MAPK8IP3: variants seen among roughly 807,000 people sequenced by gnomAD.
The protein encoded by MAPK8IP3 is mitogen-activated protein kinase 8 interacting protein 3.
Under a neutral mutation model 157.8 loss-of-function variants are expected in MAPK8IP3, and 49 were observed. The ratio of observed to expected loss-of-function variants is 0.31; its 90% CI spans 0.25 to 0.39. MAPK8IP3 has a LOEUF of 0.39. Ranked by LOEUF, MAPK8IP3 falls within the 10% of genes least tolerant of loss-of-function variation. The pLI is 1.00. For missense variants in MAPK8IP3, 1,478 were observed against 1,889.4 expected (o/e 0.78, Z 4.04); for synonymous variants, 897 against 777.7 (o/e 1.15, Z -2.55).
intron 4 of MAPK8IP3, among the ~76,000 whole-genome samples, chr16:1,737,445 C>T (rs528328776): frequency 4.8e-5 from 4 of 83,694 alleles, no homozygotes; most frequent in Admixed American, 2.8e-4. Flanking sequence ...TGTGAGCGTC[C>T]GTGTGAGTGT....
At chr16:1,764,488 C>G (rs1379540630) in intron 19 of MAPK8IP3, 29 bp downstream of exon 19, 2 of 1,602,030 alleles carry the variant, frequency 1.2e-6, no homozygotes, top group African/African-American at 1.3e-5. Flanking sequence ...ACCGGGCACC[C>G]TCCCTGGCTT....
Position 1,768,235 on chromosome 16 carries a change from G to A in MAPK8IP3, c.3599G>A (p.Arg1200His), listed in dbSNP as rs200051246. ...TCCCCCACCTCTGGGGAGGGCGCCC[G>A]TCCCGGGGGCATCATCCACGTGTAT... ...KTSPTSGEGA[R>H]PGGIIHVYGD... The change falls in exon 30 of 32, where the codon CGT becomes CAT. Residue 1200 changes from arginine to histidine, a missense_variant. Arg to His is a conservative substitution (Grantham distance 29). This residue lies in a region of MAPK8IP3 where 83 missense variants were observed against 85.3 expected (regional missense o/e 0.97). Transcript: ENST00000610761. 263 of 1,612,342 alleles carry A rather than the reference G, an allele frequency of 1.6e-4. 1 individual carries two copies. The highest frequency in any genetic ancestry group is 2.1e-4 in the Non-Finnish European group (253 of 1,179,978).
At chr16:1,711,303 C>T (rs1189157224) in intron 1 of MAPK8IP3, among the ~76,000 whole-genome samples, 3 of 152,166 alleles carry the variant, frequency 2.0e-5, no homozygotes, top group Non-Finnish European at 4.4e-5. Context: ...GGTGGCCCCT[C>T]GTTCTCTGCT....
Position 1,706,450 on chromosome 16 carries a change from C to T in MAPK8IP3, c.111C>T (p.Tyr37=), listed in dbSNP as rs770703007. Residue 37 remains tyrosine (Y), a synonymous_variant, in exon 1 of 32, where the codon TAC becomes TAT. Transcript: ENST00000610761. The surrounding 1 kb of genome is among the most constrained non-coding windows in gnomAD (Gnocchi z 5.1). ...TGTCGGGCCTGGCGGGCTCCATCTACCGCGAGTTCGAGCGCCTCATCCACT... is the reference window on the plus strand; with the variant it reads ...TGTCGGGCCTGGCGGGCTCCATCTATCGCGAGTTCGAGCGCCTCATCCACT... ...ERVSGLAGSI[Y]REFERLIHCY... 1.9e-6 allele frequency: 3 copies of T among 1,614,024 alleles called. No individual in the cohort carries two copies. The highest frequency in any genetic ancestry group is 2.5e-6 in the Non-Finnish European group (3 of 1,179,988).
intron 8 of MAPK8IP3, chr16:1,748,934 G>A: frequency 1.4e-6 from 1 of 703,502 alleles, no homozygotes; most frequent in South Asian, 1.4e-5. Flanking sequence ...CAAAATCTGA[G>A]GCTTCTCAAG....
intron 19 of MAPK8IP3, among the ~76,000 whole-genome samples, chr16:1,764,719 G>C (rs2042155472): frequency 1.3e-5 from 2 of 152,210 alleles, no homozygotes; most frequent in Admixed American, 1.3e-4. Flanking sequence ...AGCAGGCACA[G>C]AGGAGCCCAG....
chr16:1,729,298 C>G (rs543799031), intron 3 of MAPK8IP3, 90 bp downstream of exon 3: 15 of 1,444,102 alleles, frequency 1.0e-5, no homozygotes, highest in Non-Finnish European at 1.5e-5. Flanking sequence ...GGTTTTCTTC[C>G]CTGGCATGTC....
At chr16:1,721,986 G>T (rs1381525016) in intron 1 of MAPK8IP3, among the ~76,000 whole-genome samples, 1 of 147,986 alleles carries the variant, frequency 6.8e-6, no homozygotes, top group African/African-American at 2.5e-5. Context: ...AGCCAGGAAG[G>T]TCTCCATCTC....
intron 24 of MAPK8IP3, 25 bp from the exon 25 acceptor site, chr16:1,766,879 C>G (rs766596555): frequency 2.5e-5 from 40 of 1,608,872 alleles, no homozygotes; most frequent in Non-Finnish European, 3.3e-5. Context: ...TGGCCCAAAC[C>G]AGGCTCACCG....
Position 1,747,177 on chromosome 16 carries a change from A to G in MAPK8IP3, c.896A>G (p.Tyr299Cys), listed in dbSNP as rs1283951031. Reference sequence around the variant, plus strand: ...GAGAGCCTGCAGCCCCTGGGGGACTATGGCGTGGGCTCCAAGAACAGCAAG... The same window carrying G: ...GAGAGCCTGCAGCCCCTGGGGGACTGTGGCGTGGGCTCCAAGAACAGCAAG... ...LNESLQPLGDYGVGSKNSKRA... is the reference protein window; with the variant it reads ...LNESLQPLGDCGVGSKNSKRA... Residue 299 changes from tyrosine to cysteine, a missense_variant, in exon 6 of 32, where the codon TAT becomes TGT. Coordinates refer to ENST00000610761, the MANE Select transcript of MAPK8IP3 (RefSeq NM_001318852.2). 6.2e-7 allele frequency: 1 copy of G among 1,613,912 alleles called. No individual in the cohort carries two copies.
intron 2 of MAPK8IP3, among the ~76,000 whole-genome samples, chr16:1,727,672 T>C (rs1459327892): frequency 6.6e-6 from 1 of 152,182 alleles, no homozygotes; most frequent in African/African-American, 2.4e-5. Context: ...TGTAAGCACC[T>C]CAGGCTCCTT....
chr16:1,738,434 G>C (rs1339222098), intron 4 of MAPK8IP3, among the ~76,000 whole-genome samples: 2 of 110,018 alleles, frequency 1.8e-5, no homozygotes, highest in Non-Finnish European at 3.6e-5. Context: ...CCGTGTGAGA[G>C]AGTGACCATC....
intron 4 of MAPK8IP3, among the ~76,000 whole-genome samples, chr16:1,737,184 CCGTCCG>C (rs2040006202): frequency 1.9e-5 from 1 of 53,258 alleles, no homozygotes; most frequent in Non-Finnish European, 3.6e-5. Flanking sequence ...GAGCGTGTGA[CCGTCCG>C]TGTGAGCGTG....
intron 4 of MAPK8IP3, among the ~76,000 whole-genome samples, chr16:1,735,786 ACCGT>A (rs1466155519): frequency 8.0e-6 from 1 of 124,264 alleles, no homozygotes; most frequent in Non-Finnish European, 1.7e-5. Context: ...TGAGAGTGTG[ACCGT>A]CCATGTGAGC....
At chr16:1,752,764 A>G (rs892255986) in intron 8 of MAPK8IP3, among the ~76,000 whole-genome samples, 2 of 151,804 alleles carry the variant, frequency 1.3e-5, no homozygotes, top group African/African-American at 2.4e-5. Flanking sequence ...AAAAAAAAAA[A>G]AAAGAGAGAA....
intron 4 of MAPK8IP3, among the ~76,000 whole-genome samples, chr16:1,740,455 G>A (rs774981640): frequency 4.6e-5 from 7 of 150,678 alleles, no homozygotes; most frequent in East Asian, 3.9e-4. Flanking sequence ...TCTCCTTATC[G>A]TCACATGCTG....
intron 2 of MAPK8IP3, among the ~76,000 whole-genome samples, chr16:1,726,638 T>C (rs544495643): frequency 6.6e-6 from 1 of 152,260 alleles, no homozygotes; most frequent in South Asian, 2.1e-4. Flanking sequence ...ATCACGCCAC[T>C]GCACCCCAGC....
intron 1 of MAPK8IP3, among the ~76,000 whole-genome samples, chr16:1,716,136 C>A (rs2038133053): frequency 6.6e-6 from 1 of 152,138 alleles, no homozygotes; most frequent in Non-Finnish European, 1.5e-5. Context: ...GGCCATTGCT[C>A]TGACATTCTG....
chr16:1,746,819 G>A (rs988697277), intron 5 of MAPK8IP3: 4 of 599,594 alleles, frequency 6.7e-6, no homozygotes, highest in South Asian at 2.3e-5. Context: ...CCGAGGAGCC[G>A]GAGTCAGTGG....
Sources: gnomAD v4.1 joint callset for allele counts (sites outside exome capture counted in the v4.1 genomes callset) on GRCh38, gnomAD v4.1.1 for gene constraint, gnomAD v4.1.1 regional missense constraint, Gnocchi (gnomAD v3.1) non-coding constraint, MANE v1.5 for transcripts, NCBI Gene and HGNC (gene_info 2026-07-23, HGNC 2026-07-21) for gene names.